RBFOX1: variants seen among roughly 807,000 people sequenced by gnomAD.
RBFOX1 encodes RNA binding fox-1 homolog 1.
In RBFOX1, 8 loss-of-function variants were observed where a neutral mutation model predicts 57.7. That is an observed-to-expected ratio of 0.14 (90% CI 0.08 to 0.25). RBFOX1 has a LOEUF of 0.25. RBFOX1 is among the 10% of genes least tolerant of loss of function. The pLI is 1.00. For synonymous variants in RBFOX1, 326 were observed against 222.4 expected (o/e 1.47, Z -4.15); for missense variants, 611 against 548.5 (o/e 1.11, Z -1.14).
In RBFOX1 at chr16:6,373,643, G is replaced by A. The variant is rs190587567; in HGVS notation, c.-64+56586G>A. ...TCTTTGAGTAGGAGGATGATTGGGT[G>A]GAATGGAGATTGGGTAGATATACAG... On this transcript the variant is annotated intron_variant, in intron 2 of 15. Coordinates refer to ENST00000550418, the MANE Select transcript of RBFOX1 (RefSeq NM_018723.4). Among the ~76,000 whole-genome samples, 173 of 152,242 alleles carry A rather than the reference G, an allele frequency of 1.1e-3. 1 individual carries two copies. In the East Asian group the frequency reaches 0.011, roughly 10 times the overall value.
At chr16:7,061,673 G>A (rs1437445275) in intron 4 of RBFOX1, among the ~76,000 whole-genome samples, 1 of 152,084 alleles carries the variant, frequency 6.6e-6, no homozygotes, top group African/African-American at 2.4e-5. Flanking sequence ...CCCCTTTCCA[G>A]GGAAAATCTA....
At chr16:6,938,957 G>A (rs1442763134) in intron 3 of RBFOX1, among the ~76,000 whole-genome samples, 1 of 152,016 alleles carries the variant, frequency 6.6e-6, no homozygotes, top group Non-Finnish European at 1.5e-5. Context: ...ATAAAAAATG[G>A]AGAATGGAGA....
At chr16:6,537,030 G>A (rs956174977) in intron 2 of RBFOX1, among the ~76,000 whole-genome samples, 8 of 152,084 alleles carry the variant, frequency 5.3e-5, no homozygotes, top group African/African-American at 1.7e-4. Flanking sequence ...TCCTACGTAC[G>A]GTAGGAAGAA....
At chr16:6,233,726 A>G (rs563023787) in intron 1 of RBFOX1, among the ~76,000 whole-genome samples, 1 of 151,944 alleles carries the variant, frequency 6.6e-6, no homozygotes, top group African/African-American at 2.4e-5. Flanking sequence ...CTCCTGCCTC[A>G]GCCTCCCAAA....
At chr16:7,511,620 C>G (rs1374834467) in intron 4 of RBFOX1, among the ~76,000 whole-genome samples, 6 of 148,962 alleles carry the variant, frequency 4.0e-5, no homozygotes, top group Non-Finnish European at 9.0e-5. Context: ...ATTGAAATGA[C>G]TTTTTTTTTT....
intron 13 of RBFOX1, among the ~76,000 whole-genome samples, chr16:7,675,445 T>A (rs759275066): frequency 2.0e-5 from 3 of 152,094 alleles, no homozygotes; most frequent in Middle Eastern, 3.2e-3. Flanking sequence ...TATTGGTGAT[T>A]ATGTGGCAGG....
chr16:6,761,088 A>G (rs796177578), intron 3 of RBFOX1, among the ~76,000 whole-genome samples: 109 of 152,348 alleles, frequency 7.2e-4, no homozygotes, highest in African/African-American at 2.6e-3. Context: ...GTAGGGGGCT[A>G]TCATTAAAAA....
chr16:5,423,979 A>G (rs1248746191), intron 1 of RBFOX1, among the ~76,000 whole-genome samples: 2 of 152,176 alleles, frequency 1.3e-5, no homozygotes, highest in Non-Finnish European at 2.9e-5. Context: ...GGGCTTTGCA[A>G]TTCCCATTTC....
chr16:5,643,804 C>T (rs2048959399), intron 3 of RBFOX1, among the ~76,000 whole-genome samples: 1 of 152,186 alleles, frequency 6.6e-6, no homozygotes, highest in Non-Finnish European at 1.5e-5. Context: ...GTCCCCTAAT[C>T]ACAAGCTAAG....
At chr16:6,496,580 C>G (rs889658669) in intron 2 of RBFOX1, among the ~76,000 whole-genome samples, 6 of 152,298 alleles carry the variant, frequency 3.9e-5, no homozygotes, top group East Asian at 3.9e-4. Context: ...TACATTGCCC[C>G]TCGTCGAACT....
Position 6,715,795 on chromosome 16 carries a change from C to A in RBFOX1, c.-16+61145C>A, listed in dbSNP as rs562589875. 2.0e-5 allele frequency among the ~76,000 whole-genome samples: 3 copies of A among 152,176 alleles called. No homozygotes were observed. In the East Asian group the frequency reaches 5.8e-4, roughly 29 times the overall value. On this transcript the variant is annotated intron_variant, in intron 3 of 15. Transcript: ENST00000550418. ...AATCCATTTTAAACCCTTTCAGCTACACAAAATTGGAAAATAAAATATTGT... is the reference window on the plus strand; with the variant it reads ...AATCCATTTTAAACCCTTTCAGCTAAACAAAATTGGAAAATAAAATATTGT...
In RBFOX1 at chr16:7,008,675, TCC is replaced by T. The variant is rs2093448515; in HGVS notation, c.-15-43381_-15-43380del. ...CTCCTCCCTTCCTCCCTCCCTCCCT[TCC>T]TCCTCCCTTCCTCCCTCCCTCCCTT... On this transcript the variant is annotated intron_variant, in intron 3 of 15. Transcript: ENST00000550418. Among the ~76,000 whole-genome samples the T allele has an allele frequency of 4.6e-3, 11 of 2,400 alleles. 2 individuals are homozygous for T. Among genetic ancestry groups the T allele is most frequent in the African/African-American group, 0.015 (11 of 716 alleles). The allele number at this position is 2,400 out of a possible 152,430, so 1.6% of individuals were successfully genotyped here.
intron 12 of RBFOX1, among the ~76,000 whole-genome samples, chr16:7,655,129 TATACTC>T (rs1327903631): frequency 1.3e-5 from 2 of 152,370 alleles, no homozygotes; most frequent in South Asian, 2.1e-4. Context: ...GATCATCTAT[TATACTC>T]ATGACAAAAA....
At chr16:5,495,781 T>G (rs1242009472) in intron 2 of RBFOX1, among the ~76,000 whole-genome samples, 1 of 152,222 alleles carries the variant, frequency 6.6e-6, no homozygotes, top group African/African-American at 2.4e-5. Context: ...CTGAGAAATC[T>G]TCACCTTTTT....
intron 4 of RBFOX1, among the ~76,000 whole-genome samples, chr16:7,217,019 C>CCCTCCCTCCCTT (rs1567748434): frequency 1.2e-4 from 9 of 77,314 alleles, no homozygotes; most frequent in African/African-American, 4.6e-4. Context: ...TTCCCTCCCT[C>CCCTCCCTCCCTT]CCTCCCTCCC....
rs919847753 is a variant in RBFOX1 at position 5,870,761 on chromosome 16, T to C, written c.351+3426T>C. ...AATTCATCAAAACAAGCGATCACCG[T>C]TATTTAATGCGTGATCCATATTCAT... On this transcript the variant is annotated intron_variant, in intron 4 of 19. Coordinates refer to the RBFOX1 transcript ENST00000641259. 5.9e-5 allele frequency among the ~76,000 whole-genome samples: 9 copies of C among 152,154 alleles called. 1 individual carries two copies. The highest frequency in any genetic ancestry group is 2.2e-4 in the African/African-American group (9 of 41,432).
chr16:5,356,229 G>A (rs1183608984), intron 1 of RBFOX1, among the ~76,000 whole-genome samples: 4 of 152,168 alleles, frequency 2.6e-5, no homozygotes, highest in African/African-American at 9.7e-5. Context: ...GAGCCAGGAG[G>A]GAGGCATGGA....
intron 4 of RBFOX1, among the ~76,000 whole-genome samples, chr16:7,453,775 G>T (rs935923078): frequency 3.9e-5 from 6 of 152,310 alleles, no homozygotes; most frequent in Admixed American, 3.3e-4. Context: ...TGACTGAAGT[G>T]TTGGGCACCC....
chr16:7,088,086 G>A (rs1022922082), intron 4 of RBFOX1, among the ~76,000 whole-genome samples: 13 of 152,138 alleles, frequency 8.5e-5, no homozygotes, highest in Admixed American at 8.5e-4. Flanking sequence ...TTAGCATTAA[G>A]CTGCAATTTT....
Sources: allele counts gnomAD v4.1 joint callset (sites outside exome capture counted in the v4.1 genomes callset), GRCh38; gene constraint gnomAD v4.1.1; transcripts MANE v1.5; gene names NCBI Gene and HGNC (gene_info 2026-07-23, HGNC 2026-07-21).